The following MACROD2 variants were observed in gnomAD, a reference collection of about 807,000 sequenced individuals.
MACROD2 encodes the protein ADP-ribose glycohydrolase MACROD2.
Under a neutral mutation model 70.4 loss-of-function variants are expected in MACROD2, and 36 were observed. That is an observed-to-expected ratio of 0.51 (90% CI 0.39 to 0.68). MACROD2 has a LOEUF of 0.68. Among genes scored for constraint, MACROD2 ranks in the 30% least tolerant of loss-of-function variants. The probability of loss-of-function intolerance (pLI) is 0.00; values close to 1 mark genes in which losing one functional copy is unlikely to be tolerated. For synonymous variants in MACROD2, 172 were observed against 178.8 expected (o/e 0.96, Z 0.30); for missense variants, 496 against 538.4 (o/e 0.92, Z 0.78).
intron 4 of MACROD2, among the ~76,000 whole-genome samples, chr20:14,514,267 C>T (rs1315549033): frequency 6.6e-6 from 1 of 152,138 alleles, no homozygotes; most frequent in Admixed American, 6.6e-5. Flanking sequence ...GAAGCCCTTA[C>T]TCAGCCAGAC....
At chr20:15,275,537 C>A (rs982717116) in intron 6 of MACROD2, among the ~76,000 whole-genome samples, 1 of 152,126 alleles carries the variant, frequency 6.6e-6, no homozygotes, top group African/African-American at 2.4e-5. Context: ...AAATTTACTG[C>A]ATGTGAAGAC....
At chr20:15,771,067 T>C (rs1284331635) in intron 8 of MACROD2, among the ~76,000 whole-genome samples, 2 of 152,160 alleles carry the variant, frequency 1.3e-5, no homozygotes, top group East Asian at 3.9e-4. Flanking sequence ...TATCATACAC[T>C]GAAATGCCTT....
chr20:15,574,188 A>G (rs1323172807), intron 8 of MACROD2, among the ~76,000 whole-genome samples: 1 of 152,118 alleles, frequency 6.6e-6, no homozygotes, highest in Non-Finnish European at 1.5e-5. Context: ...CTTTGGGCCA[A>G]TACTGCATAC....
At chr20:14,161,355 T>C (rs1384740353) in intron 3 of MACROD2, among the ~76,000 whole-genome samples, 1 of 149,906 alleles carries the variant, frequency 6.7e-6, no homozygotes, top group African/African-American at 2.5e-5. Context: ...ACCCAGCTAA[T>C]TTTTTGTATT....
rs114302558 is a variant in MACROD2, at chr20:14,447,779, G to T, written c.272-45700G>T. 6.2e-3 allele frequency among the ~76,000 whole-genome samples: 943 copies of T among 152,040 alleles called. 24 individuals carry two copies. Among genetic ancestry groups the T allele is most frequent in the African/African-American group, 0.021 (887 of 41,402 alleles). On this transcript the variant is annotated intron_variant, in intron 3 of 17. Coordinates refer to ENST00000684519, the MANE Select transcript of MACROD2 (RefSeq NM_001351661.2). ...GGGACCCAGAGAAGCAGACACCACT[G>T]TCCAAAGTAATTTTGACTCCTGCTT... is the stretch of plus-strand genomic sequence containing the variant.
chr20:15,997,032 G>A (rs1039581861), intron 15 of MACROD2, among the ~76,000 whole-genome samples: 2 of 151,930 alleles, frequency 1.3e-5, no homozygotes, highest in African/African-American at 2.4e-5. Context: ...GTTTATTTCC[G>A]GGATTCTCAA....
At chr20:14,857,234 C>T (rs751208671) in intron 5 of MACROD2, among the ~76,000 whole-genome samples, 21 of 152,180 alleles carry the variant, frequency 1.4e-4, no homozygotes, top group Non-Finnish European at 2.4e-4. Flanking sequence ...AAATTCTGCA[C>T]ATGCAGTTGC....
intron 9 of MACROD2, among the ~76,000 whole-genome samples, chr20:15,876,876 A>C (rs1334637424): frequency 6.6e-6 from 1 of 151,830 alleles, no homozygotes; most frequent in African/African-American, 2.4e-5. Flanking sequence ...GATGATGATC[A>C]TTTTTTCATG....
chr20:15,119,565 A>T (rs1444919645), intron 5 of MACROD2, among the ~76,000 whole-genome samples: 1 of 152,214 alleles, frequency 6.6e-6, no homozygotes, highest in African/African-American at 2.4e-5. Context: ...TTACAGAGAA[A>T]AAAAGAAAGA....
chr20:14,227,379 C>G (rs1178079729), intron 3 of MACROD2, among the ~76,000 whole-genome samples: 1 of 152,176 alleles, frequency 6.6e-6, no homozygotes, highest in Non-Finnish European at 1.5e-5. Context: ...TTTGGGTCCA[C>G]GCTACCTTTA....
chr20:15,693,912 A>G (rs2050330839), intron 8 of MACROD2, among the ~76,000 whole-genome samples: 2 of 142,178 alleles, frequency 1.4e-5, no homozygotes, highest in Admixed American at 7.0e-5. Context: ...CATCATTCTT[A>G]TGCCTTTGCA....
At chr20:15,859,292 C>T (rs1601007039) in intron 8 of MACROD2, among the ~76,000 whole-genome samples, 1 of 151,942 alleles carries the variant, frequency 6.6e-6, no homozygotes, top group African/African-American at 2.4e-5. Flanking sequence ...GCAGAAGAGG[C>T]AGGCATGATC....
intron 8 of MACROD2, among the ~76,000 whole-genome samples, chr20:15,760,550 C>T (rs879772802): frequency 1.4e-4 from 21 of 152,162 alleles, no homozygotes; most frequent in Non-Finnish European, 2.8e-4. Flanking sequence ...GGCAACCCCA[C>T]GCATTCCTTC....
intron 3 of MACROD2, among the ~76,000 whole-genome samples, chr20:14,148,045 A>G (rs1213033156): frequency 1.3e-5 from 2 of 152,204 alleles, no homozygotes; most frequent in Non-Finnish European, 2.9e-5. Context: ...GATAAGAAAA[A>G]TTGAATCTGA....
Position 14,822,381 on chromosome 20 carries a change from A to G in MACROD2, c.418+137422A>G, listed in dbSNP as rs538225358. On this transcript the variant is annotated intron_variant, in intron 5 of 17. Coordinates refer to ENST00000684519, the MANE Select transcript of MACROD2 (RefSeq NM_001351661.2). ...TTTAAACCTTGTGGGTATCATTTGTATAATATTCTACTTAATAGTAAACTC... is the reference window on the plus strand; with the variant it reads ...TTTAAACCTTGTGGGTATCATTTGTGTAATATTCTACTTAATAGTAAACTC... 2.2e-4 allele frequency among the ~76,000 whole-genome samples: 33 copies of G among 152,192 alleles called. No homozygotes were observed. In the East Asian group the frequency reaches 2.7e-3, roughly 12 times the overall value.
intron 7 of MACROD2, among the ~76,000 whole-genome samples, chr20:15,432,348 C>A (rs762226192): frequency 3.9e-5 from 6 of 151,934 alleles, no homozygotes; most frequent in African/African-American, 7.3e-5. Context: ...TAGGCCTGAA[C>A]CAAATTAAGT....
At chr20:14,278,104 A>G (rs1452828711) in intron 3 of MACROD2, among the ~76,000 whole-genome samples, 2 of 152,234 alleles carry the variant, frequency 1.3e-5, no homozygotes, top group African/African-American at 4.8e-5. Flanking sequence ...TGTATAAGCA[A>G]ATGTTTAGAA....
intron 3 of MACROD2, chr20:14,325,456 A>G: frequency 3.2e-6 from 4 of 1,261,668 alleles, no homozygotes; most frequent in Non-Finnish European, 4.4e-6. Flanking sequence ...GCTTTTTTTC[A>G]GTCTCTTTTT....
chr20:15,734,902 A>T (rs1008034032), intron 8 of MACROD2, among the ~76,000 whole-genome samples: 3 of 152,180 alleles, frequency 2.0e-5, no homozygotes, highest in Admixed American at 6.5e-5. Flanking sequence ...AACTATCTTG[A>T]ATTGTAACAA....
Sources: gnomAD v4.1 joint callset for allele counts (sites outside exome capture counted in the v4.1 genomes callset) on GRCh38, gnomAD v4.1.1 for gene constraint, MANE v1.5 for transcripts, NCBI Gene and HGNC (gene_info 2026-07-23, HGNC 2026-07-21) for gene names.